Variants in DNAJC3 observed in about 807,000 individuals in gnomAD.
DNAJC3 encodes the protein DnaJ heat shock protein family (Hsp40) member C3, also known as dnaJ homolog subfamily C member 3.
Under a neutral mutation model 68.6 loss-of-function variants are expected in DNAJC3, and 38 were observed. That is an observed-to-expected ratio of 0.55 (90% CI 0.43 to 0.73). The LOEUF (loss-of-function observed/expected upper bound fraction) is 0.73, where lower values mean the gene tolerates loss of function less well. Among genes scored for constraint, DNAJC3 ranks in the 30% least tolerant of loss-of-function variants. The pLI is 0.00. For synonymous variants in DNAJC3, 203 were observed against 204.0 expected (o/e 1.00, Z 0.04); for missense variants, 526 against 591.9 (o/e 0.89, Z 1.16).
At chr13:95,786,131 T>C in intron 10 of DNAJC3, 60 bp downstream of exon 10, 1 of 1,466,670 alleles carries the variant, frequency 6.8e-7, no homozygotes, top group Non-Finnish European at 9.2e-7. Flanking sequence ...TCAAAGCTAA[T>C]CATTGCTCTT....
intron 1 of DNAJC3, among the ~76,000 whole-genome samples, chr13:95,681,433 C>G (rs992982393): frequency 6.6e-6 from 1 of 152,208 alleles, no homozygotes; most frequent in Non-Finnish European, 1.5e-5. Context: ...TCAATGTAGG[C>G]TTGACCTCCT....
intron 2 of DNAJC3, among the ~76,000 whole-genome samples, chr13:95,716,719 C>T (rs1013193663): frequency 2.0e-5 from 3 of 152,192 alleles, no homozygotes; most frequent in Non-Finnish European, 2.9e-5. Flanking sequence ...TCAGCATCCA[C>T]GTCGTTCTGC....
At chr13:95,688,561 G>T (rs1324662791) in intron 1 of DNAJC3, among the ~76,000 whole-genome samples, 3 of 151,620 alleles carry the variant, frequency 2.0e-5, no homozygotes, top group African/African-American at 7.3e-5. Flanking sequence ...TGTCCCCCAG[G>T]CTGGAGTGCA....
intron 9 of DNAJC3, among the ~76,000 whole-genome samples, chr13:95,766,169 A>G (rs1344874706): frequency 6.6e-6 from 1 of 152,208 alleles, no homozygotes; most frequent in Non-Finnish European, 1.5e-5. Context: ...CCTTTCTTAG[A>G]TAAGCAATTT....
In DNAJC3 at chr13:95,729,776, A is replaced by G. The variant is rs1238109280; in HGVS notation, c.393+4524A>G. On this transcript the variant is annotated intron_variant, in intron 4 of 11. Transcript: ENST00000602402. ...TATTAGTGATGTTGAACATTTTTTCATATACCTGTTGGCTATTTATATGCC... is the reference window on the plus strand; with the variant it reads ...TATTAGTGATGTTGAACATTTTTTCGTATACCTGTTGGCTATTTATATGCC... Among the ~76,000 whole-genome samples the G allele has an allele frequency of 2.0e-5, 3 of 152,056 alleles. No individual in the cohort carries two copies. In the East Asian group the frequency reaches 5.8e-4, roughly 29 times the overall value.
intron 2 of DNAJC3, among the ~76,000 whole-genome samples, chr13:95,712,089 C>T (rs1301907983): frequency 1.3e-5 from 2 of 152,134 alleles, no homozygotes; most frequent in Non-Finnish European, 1.5e-5. Flanking sequence ...CAGTATTAGT[C>T]ATCACATTAA....
At chr13:95,764,747 A>G (rs1214751443) in intron 9 of DNAJC3, among the ~76,000 whole-genome samples, 1 of 131,582 alleles carries the variant, frequency 7.6e-6, no homozygotes, top group Non-Finnish European at 1.6e-5. Flanking sequence ...TATATAATAC[A>G]TGTATATATA....
At chr13:95,697,599 A>G (rs1880476839) in intron 1 of DNAJC3, among the ~76,000 whole-genome samples, 1 of 152,010 alleles carries the variant, frequency 6.6e-6, no homozygotes, top group Non-Finnish European at 1.5e-5. Context: ...ATTTCCTCAA[A>G]TATGTTTTTT....
At chr13:95,730,395 T>C (rs1451650546) in intron 4 of DNAJC3, among the ~76,000 whole-genome samples, 1 of 152,218 alleles carries the variant, frequency 6.6e-6, no homozygotes, top group Non-Finnish European at 1.5e-5. Context: ...GACCAATGTC[T>C]TAAAGCATTT....
At position 95,791,299 on chromosome 13, in the gene DNAJC3, C is replaced by T. The variant is rs1483248325; in HGVS notation, c.*269C>T. ...GGAGGGAAGTGGTCTGAGGCAGGCT[C>T]ACCCGTGGAAGTGCTCACGTATTCT... is the stretch of plus-strand genomic sequence containing the variant. On this transcript the variant is annotated 3_prime_UTR_variant, in exon 12 of 12. Transcript: ENST00000602402. 6.6e-6 allele frequency: 3 copies of T among 452,176 alleles called. No homozygotes were observed. The highest frequency in any genetic ancestry group is 8.0e-5 in the Admixed American group (2 of 25,036). 28.0% of individuals were successfully genotyped at this position (452,176 alleles called of 1,614,324 possible).
chr13:95,775,454 A>G (rs1404391855), intron 9 of DNAJC3, among the ~76,000 whole-genome samples: 1 of 152,144 alleles, frequency 6.6e-6, no homozygotes, highest in African/African-American at 2.4e-5. Context: ...TCTTTTGCTT[A>G]TATTTACAGC....
chr13:95,736,197 T>C (rs1438563838), intron 4 of DNAJC3, among the ~76,000 whole-genome samples: 1 of 152,162 alleles, frequency 6.6e-6, no homozygotes, highest in African/African-American at 2.4e-5. Context: ...GTTTTGGTAC[T>C]AGTACCATGC....
At chr13:95,757,039 A>T (rs1177008809) in intron 4 of DNAJC3, among the ~76,000 whole-genome samples, 1 of 152,212 alleles carries the variant, frequency 6.6e-6, no homozygotes, top group Non-Finnish European at 1.5e-5. Flanking sequence ...TGTCTTTATA[A>T]AGTTATTTTA....
intron 1 of DNAJC3, among the ~76,000 whole-genome samples, chr13:95,688,154 C>A (rs1299654763): frequency 1.3e-5 from 2 of 152,114 alleles, no homozygotes; most frequent in Non-Finnish European, 2.9e-5. Flanking sequence ...ACTGAAGTTG[C>A]TTATCAGTTC....
chr13:95,791,119 A>C lies in DNAJC3; in HGVS notation c.*89A>C, dbSNP rs879195905. On this transcript the variant is annotated 3_prime_UTR_variant, in exon 12 of 12. Coordinates refer to ENST00000602402, the MANE Select transcript of DNAJC3 (RefSeq NM_006260.5). Reference sequence around the variant, plus strand: ...GGACCCTAATGAAAAAAAATTTCAAATCTTTTCAGTTTGTCCATGACCAAA... The same window carrying C: ...GGACCCTAATGAAAAAAAATTTCAACTCTTTTCAGTTTGTCCATGACCAAA... 5.0e-5 allele frequency: 74 copies of C among 1,482,436 alleles called. No individual in the cohort carries two copies. The Middle Eastern group carries it at 1.4e-3, about 28-fold the overall frequency. The allele number at this position is 1,482,436 out of a possible 1,614,324, so 91.8% of individuals were successfully genotyped here. A position where few individuals can be genotyped will look rare whatever the true frequency, so the allele number is the denominator to read the frequency against.
rs201898624 is a variant in DNAJC3, at chr13:95,732,777, CT to C, written c.393+7534del. On this transcript the variant is annotated intron_variant, in intron 4 of 11. Transcript: ENST00000602402. ...GCATGTTAGATTGTTTATTTGAAAT[CT>C]TTTTTTTTATATATGTGTTTATTGC... 4.7e-5 allele frequency among the ~76,000 whole-genome samples: 7 copies of C among 149,608 alleles called. No individual in the cohort carries two copies. In the East Asian group the frequency reaches 7.8e-4, roughly 17 times the overall value.
chr13:95,747,643 C>T (rs757804848), intron 4 of DNAJC3, among the ~76,000 whole-genome samples: 1 of 152,094 alleles, frequency 6.6e-6, no homozygotes, highest in Non-Finnish European at 1.5e-5. Context: ...TTTTGCTTAG[C>T]GTGATCGACT....
rs1426930800 is a variant in DNAJC3 at position 95,794,653 on chromosome 13, ATTGAT to A, written c.*3626_*3630del. 4 of 152,260 alleles carry A rather than the reference ATTGAT, an allele frequency of 2.6e-5. No homozygotes were observed. The highest frequency in any genetic ancestry group is 4.1e-4 in the South Asian group (2 of 4,828). 9.4% of individuals were successfully genotyped at this position (152,260 alleles called of 1,614,324 possible). On this transcript the variant is annotated 3_prime_UTR_variant, in exon 12 of 12. Transcript: ENST00000602402. Reference sequence around the variant, plus strand: ...TACAGATGATCTCATTTGCTGAATGATTGATTTAAGAGTAAAATTAGCCACTGCGT... The same window carrying A: ...TACAGATGATCTCATTTGCTGAATGATTAAGAGTAAAATTAGCCACTGCGT...
chr13:95,687,146 G>T (rs1443581128), intron 1 of DNAJC3, among the ~76,000 whole-genome samples: 1 of 152,108 alleles, frequency 6.6e-6, no homozygotes, highest in Non-Finnish European at 1.5e-5. Flanking sequence ...TTGTAAATGG[G>T]ATTGAATTCT....
Sources: allele counts gnomAD v4.1 joint callset (sites outside exome capture counted in the v4.1 genomes callset), GRCh38; gene constraint gnomAD v4.1.1; transcripts MANE v1.5; gene names NCBI Gene and HGNC (gene_info 2026-07-23, HGNC 2026-07-21).